KCNIP4: variants seen among roughly 807,000 people sequenced by gnomAD.
KCNIP4 encodes potassium voltage-gated channel interacting protein 4.
Under a neutral mutation model 34.0 loss-of-function variants are expected in KCNIP4, and 12 were observed. The observed-to-expected ratio is 0.35, with a 90% CI of 0.23 to 0.57. KCNIP4 has a LOEUF of 0.57. Ranked by LOEUF, KCNIP4 falls within the 20% of genes least tolerant of loss-of-function variation. KCNIP4 has a pLI of 0.83. For synonymous variants in KCNIP4, 124 were observed against 102.2 expected (o/e 1.21, Z -1.29); for missense variants, 238 against 311.7 (o/e 0.76, Z 1.78).
chr4:20,853,995 T>C (rs907999836), intron 2 of KCNIP4, among the ~76,000 whole-genome samples: 4 of 152,054 alleles, frequency 2.6e-5, no homozygotes, highest in Admixed American at 6.6e-5. Context: ...AAAAAACAGA[T>C]GTTGGTGTGG....
At chr4:21,008,685 G>A (rs578130211) in intron 1 of KCNIP4, among the ~76,000 whole-genome samples, 3 of 151,582 alleles carry the variant, frequency 2.0e-5, no homozygotes, top group South Asian at 2.1e-4. Flanking sequence ...CACCACGCCC[G>A]GCTAATTTTT....
chr4:21,348,207 T>TTCAGATG (rs1337126317), intron 1 of KCNIP4, among the ~76,000 whole-genome samples: 1 of 152,186 alleles, frequency 6.6e-6, no homozygotes, highest in African/African-American at 2.4e-5. Context: ...TGCATGCATT[T>TTCAGATG]CCAGATGCTG....
intron 3 of KCNIP4, among the ~76,000 whole-genome samples, chr4:20,782,846 GATTTTCTTT>G (rs1312790519): frequency 1.3e-5 from 2 of 152,140 alleles, no homozygotes; most frequent in African/African-American, 4.8e-5. Context: ...CAGAAAATGG[GATTTTCTTT>G]CCTACAGCAT....
intron 1 of KCNIP4, among the ~76,000 whole-genome samples, chr4:21,820,324 T>TATATAC (rs1286970944): frequency 1.7e-4 from 23 of 136,666 alleles, no homozygotes; most frequent in African/African-American, 2.2e-4. Context: ...TATATATATA[T>TATATAC]ACATATATAC....
At chr4:20,904,342 T>C (rs1727499056) in intron 1 of KCNIP4, among the ~76,000 whole-genome samples, 1 of 149,060 alleles carries the variant, frequency 6.7e-6, no homozygotes, top group African/African-American at 2.4e-5. Flanking sequence ...TATATATATA[T>C]ATATATACAG....
chr4:21,494,796 T>G (rs1230294293), intron 1 of KCNIP4, among the ~76,000 whole-genome samples: 1 of 150,770 alleles, frequency 6.6e-6, no homozygotes, highest in African/African-American at 2.4e-5. Flanking sequence ...AAAAAATTAG[T>G]AAAATATACA....
intron 1 of KCNIP4, among the ~76,000 whole-genome samples, chr4:21,051,153 C>G (rs1329431043): frequency 6.6e-6 from 1 of 152,244 alleles, no homozygotes; most frequent in Non-Finnish European, 1.5e-5. Context: ...TGGGGCACAG[C>G]ACTTGGGCTT....
At chr4:21,756,418 G>C (rs997817840) in intron 1 of KCNIP4, among the ~76,000 whole-genome samples, 1 of 152,040 alleles carries the variant, frequency 6.6e-6, no homozygotes, top group African/African-American at 2.4e-5. Flanking sequence ...TCCGGGTATG[G>C]TGGTGTGTGC....
At chr4:21,794,488 G>A (rs920457063) in intron 1 of KCNIP4, among the ~76,000 whole-genome samples, 1 of 152,160 alleles carries the variant, frequency 6.6e-6, no homozygotes, top group Non-Finnish European at 1.5e-5. Context: ...AGTATGTAGA[G>A]CAATAACTGC....
intron 1 of KCNIP4, among the ~76,000 whole-genome samples, chr4:21,497,933 C>T (rs2109878908): frequency 6.6e-6 from 1 of 152,190 alleles, no homozygotes; most frequent in East Asian, 1.9e-4. Context: ...TATATAAAAG[C>T]TCTTTCAGTG....
chr4:21,276,710 A>G (rs1179373086), intron 1 of KCNIP4, among the ~76,000 whole-genome samples: 1 of 152,060 alleles, frequency 6.6e-6, no homozygotes, highest in Non-Finnish European at 1.5e-5. Flanking sequence ...TTTGTTTGTA[A>G]TGACAGTGGC....
chr4:21,242,327 C>T (rs1759891766), intron 1 of KCNIP4, among the ~76,000 whole-genome samples: 2 of 152,034 alleles, frequency 1.3e-5, no homozygotes, highest in South Asian at 2.1e-4. Context: ...GAAATCTTTG[C>T]TATCTGTAAA....
chr4:21,026,736 G>C (rs1405589641), intron 1 of KCNIP4, among the ~76,000 whole-genome samples: 1 of 152,158 alleles, frequency 6.6e-6, no homozygotes. Context: ...ATCTGATTGG[G>C]ATATAGCCTT....
intron 1 of KCNIP4, among the ~76,000 whole-genome samples, chr4:21,530,024 A>G (rs1406890820): frequency 6.6e-6 from 1 of 152,174 alleles, no homozygotes; most frequent in Non-Finnish European, 1.5e-5. Flanking sequence ...ATTAGGCATC[A>G]GGCACTTTGT....
chr4:21,174,734 A>G (rs1754273098), intron 1 of KCNIP4, among the ~76,000 whole-genome samples: 1 of 151,400 alleles, frequency 6.6e-6, no homozygotes. Context: ...GTGAAACCTC[A>G]TTTCTACTAA....
chr4:21,192,134 A>G (rs1755694433), intron 1 of KCNIP4, among the ~76,000 whole-genome samples: 1 of 152,340 alleles, frequency 6.6e-6, no homozygotes, highest in Non-Finnish European at 1.5e-5. Context: ...AGTTCAGGAG[A>G]GGAATTTAAC....
chr4:21,251,918 G>A (rs1000803851), intron 1 of KCNIP4, among the ~76,000 whole-genome samples: 6 of 151,126 alleles, frequency 4.0e-5, no homozygotes, highest in African/African-American at 9.7e-5. Flanking sequence ...GCTAAATGAC[G>A]AGTTAATGGG....
intron 1 of KCNIP4, among the ~76,000 whole-genome samples, chr4:21,928,108 C>CTATATATATATA (rs144162392): frequency 4.5e-4 from 64 of 142,814 alleles, no homozygotes; most frequent in Non-Finnish European, 6.1e-4. Flanking sequence ...CCAGATTAGA[C>CTATATATATATA]TATATATATA....
chr4:21,893,846 G>C (rs534631962), intron 1 of KCNIP4, among the ~76,000 whole-genome samples: 1 of 152,214 alleles, frequency 6.6e-6, no homozygotes, highest in South Asian at 2.1e-4. Flanking sequence ...TTTTGTAGTG[G>C]ATTACATCTG....
Sources: gnomAD v4.1 joint callset for allele counts (sites outside exome capture counted in the v4.1 genomes callset) on GRCh38, gnomAD v4.1.1 for gene constraint, MANE v1.5 for transcripts, NCBI Gene and HGNC (gene_info 2026-07-23, HGNC 2026-07-21) for gene names.